Variants in UGGT2 observed in about 807,000 individuals in gnomAD.
UGGT2 encodes the protein UDP-glucose glycoprotein glucosyltransferase 2, also known as UDP-glucose:glycoprotein glucosyltransferase 2.
In UGGT2, 180 loss-of-function variants were observed where a neutral mutation model predicts 192.1. That is an observed-to-expected ratio of 0.94 (90% CI 0.83 to 1.06). The LOEUF (loss-of-function observed/expected upper bound fraction) is 1.06. Among genes scored for constraint, UGGT2 ranks in the 50% least tolerant of loss-of-function variants. UGGT2 has a pLI of 0.00. For missense variants in UGGT2, 1,849 were observed against 1,795.7 expected, an observed-to-expected ratio of 1.03 and a Z score of -0.54; for synonymous variants, 580 against 591.0, an observed-to-expected ratio of 0.98 and a Z score of 0.27.
rs1244648955 is a variant in UGGT2, at chr13:95,974,471, C to T, written c.1093-1800G>A. Among the ~76,000 whole-genome samples, 5 of 152,168 alleles carry T rather than the reference C, an allele frequency of 3.3e-5. No homozygotes were observed. In the East Asian group the frequency reaches 7.7e-4, roughly 23 times the overall value. On this transcript the variant is annotated intron_variant, in intron 10 of 38. Coordinates refer to ENST00000376747, the MANE Select transcript of UGGT2 (RefSeq NM_020121.4). ...ATCCATATTAAATTGCTAAATCCCT[C>T]AAGACTGTTTATGTCAGGCCCAGGG...
intron 38 of UGGT2, among the ~76,000 whole-genome samples, chr13:95,812,104 G>A (rs183327086): frequency 1.3e-5 from 2 of 152,256 alleles, no homozygotes; most frequent in East Asian, 3.9e-4. Context: ...TGTGGACTGT[G>A]TAATCTCCAC....
intron 1 of UGGT2, among the ~76,000 whole-genome samples, chr13:96,042,953 G>T (rs999047360): frequency 6.6e-6 from 1 of 152,154 alleles, no homozygotes; most frequent in Non-Finnish European, 1.5e-5. Context: ...GGGAATAATT[G>T]AGGAAAACTT....
intron 26 of UGGT2, among the ~76,000 whole-genome samples, chr13:95,887,646 C>T (rs991807612): frequency 6.6e-6 from 1 of 152,068 alleles, no homozygotes; most frequent in Non-Finnish European, 1.5e-5. Context: ...TCCAAAAATA[C>T]CTATGAATAA....
rs774913767 is a variant in UGGT2, at chr13:95,999,285, T to C, written c.683A>G (p.Tyr228Cys). 1.2e-6 allele frequency: 2 copies of C among 1,613,478 alleles called. No individual in the cohort carries two copies. The highest frequency in any genetic ancestry group is 2.2e-5 in the East Asian group (1 of 44,798). Residue 228 changes from tyrosine (Y) to cysteine (C), a missense_variant, in exon 6 of 39, where the codon TAC becomes TGC. Coordinates refer to ENST00000376747, the MANE Select transcript of UGGT2 (RefSeq NM_020121.4). Reference protein sequence around the residue: ...YIQKPSSRKMYLSGYGVELAI... With the variant: ...YIQKPSSRKMCLSGYGVELAI... Reference sequence around the variant, plus strand: ...TAGCTCCACACCATACCCAGATAAGTACATTTTCCGTGAGCTTGGTTTCTG... The same window carrying C: ...TAGCTCCACACCATACCCAGATAAGCACATTTTCCGTGAGCTTGGTTTCTG...
chr13:95,957,355 C>CT (rs1299063001), intron 12 of UGGT2, among the ~76,000 whole-genome samples: 1 of 152,182 alleles, frequency 6.6e-6, no homozygotes, highest in Non-Finnish European at 1.5e-5. Context: ...TTGTGACAAT[C>CT]TCGTGGGAAC....
chr13:96,046,897 G>A (rs530004173), intron 1 of UGGT2, among the ~76,000 whole-genome samples: 9 of 152,258 alleles, frequency 5.9e-5, no homozygotes, highest in Admixed American at 2.6e-4. Context: ...AGATCCAACC[G>A]CAAGGCAGCA....
At chr13:95,840,249 T>C (rs1024416672) in intron 36 of UGGT2, among the ~76,000 whole-genome samples, 2 of 151,874 alleles carry the variant, frequency 1.3e-5, no homozygotes, top group African/African-American at 4.8e-5. Context: ...ATCATCAGAG[T>C]GAACAGGCAA....
chr13:95,976,641 T>C (rs2140825815), intron 10 of UGGT2, among the ~76,000 whole-genome samples: 1 of 152,320 alleles, frequency 6.6e-6, no homozygotes, highest in Non-Finnish European at 1.5e-5. Flanking sequence ...AAGTAATTTA[T>C]GGATTCAATG....
At chr13:95,913,780 T>C (rs1173773639) in intron 20 of UGGT2, among the ~76,000 whole-genome samples, 7 of 152,172 alleles carry the variant, frequency 4.6e-5, no homozygotes, top group African/African-American at 1.7e-4. Flanking sequence ...TAAAGACACA[T>C]GCACATGTAT....
At position 95,972,909 on chromosome 13, in the gene UGGT2, G is replaced by A. The variant is rs145042377; in HGVS notation, c.1093-238C>T. ...TTTTAGGCCAGGCGTGGCGGCTTAC[G>A]CCTGTAATGCCAGAACTTTGGGAGG... On this transcript the variant is annotated intron_variant, in intron 10 of 38. Transcript: ENST00000376747. 9.3e-3 allele frequency among the ~76,000 whole-genome samples: 1,413 copies of A among 152,316 alleles called. 23 individuals are homozygous for A. The highest frequency in any genetic ancestry group is 0.032 in the African/African-American group (1,326 of 41,556).
At chr13:95,877,156 A>C (rs1891772256) in intron 29 of UGGT2, 123 bp downstream of exon 29, 1 of 772,312 alleles carries the variant, frequency 1.3e-6, no homozygotes, top group Non-Finnish European at 2.0e-6. Flanking sequence ...TGTTGGGATT[A>C]CAGGCTTGAG....
At chr13:95,906,794 G>T (rs994446048) in intron 20 of UGGT2, among the ~76,000 whole-genome samples, 1 of 152,160 alleles carries the variant, frequency 6.6e-6, no homozygotes, top group Non-Finnish European at 1.5e-5. Context: ...AAGCCAGAAG[G>T]CAATCAGATG....
rs771020188 is a variant in UGGT2, at chr13:96,053,336, C to T, written c.-24G>A. On this transcript the variant is annotated 5_prime_UTR_variant, in exon 1 of 39. Transcript: ENST00000376747. ...ATGGCACGGAGAGAAAAGCGCGAGTCCCTCGGACCCGGTACCCACAGTCTG... is the reference window on the plus strand; with the variant it reads ...ATGGCACGGAGAGAAAAGCGCGAGTTCCTCGGACCCGGTACCCACAGTCTG... 6.3e-7 allele frequency: 1 copy of T among 1,576,178 alleles called. No homozygotes were observed. Among genetic ancestry groups the T allele is most frequent in the Non-Finnish European group, 8.5e-7 (1 of 1,170,902 alleles).
chr13:95,853,664 A>G lies in UGGT2; in HGVS notation c.4170-7T>C. The G allele has an allele frequency of 3.3e-6, 5 of 1,534,964 alleles. No individual in the cohort carries two copies. The highest frequency in any genetic ancestry group is 4.4e-6 in the Non-Finnish European group (5 of 1,147,718). On this transcript the variant is annotated splice_polypyrimidine_tract_variant and splice_region_variant and intron_variant, in intron 35 of 38. Coordinates refer to ENST00000376747, the MANE Select transcript of UGGT2 (RefSeq NM_020121.4). ...ATCCACTACATATAAAGCACTGCAA[A>G]AATGAATTACTTCTTGATAGCCTAT...
intron 24 of UGGT2, among the ~76,000 whole-genome samples, chr13:95,892,550 A>T (rs1011192484): frequency 2.6e-5 from 4 of 152,198 alleles, no homozygotes; most frequent in Non-Finnish European, 5.9e-5. Context: ...ACAGTTAATC[A>T]ACTCTTACAG....
chr13:96,049,261 G>A (rs1190354434), intron 1 of UGGT2, among the ~76,000 whole-genome samples: 1 of 152,106 alleles, frequency 6.6e-6, no homozygotes, highest in Non-Finnish European at 1.5e-5. Context: ...TGCAGAAAAG[G>A]CCTTTGACAA....
chr13:95,931,791 G>A (rs745494848), intron 17 of UGGT2, among the ~76,000 whole-genome samples: 2 of 152,080 alleles, frequency 1.3e-5, no homozygotes, highest in Non-Finnish European at 2.9e-5. Flanking sequence ...AACGTGGCGC[G>A]GAGCCCTGGT....
chr13:95,968,467 T>C (rs1185640293), intron 12 of UGGT2, among the ~76,000 whole-genome samples: 1 of 152,118 alleles, frequency 6.6e-6, no homozygotes, highest in Non-Finnish European at 1.5e-5. Flanking sequence ...ATGCCGGAGG[T>C]AGGGCCTGAT....
chr13:95,849,839 T>TTTTTATATATTAATTTATAC (rs1285441714), intron 36 of UGGT2, among the ~76,000 whole-genome samples: 2 of 148,624 alleles, frequency 1.3e-5, no homozygotes, highest in African/African-American at 4.9e-5. Flanking sequence ...ATATATTAAT[T>TTTTTATATATTAATTTATAC]TTTTATATAT....
Sources: allele counts gnomAD v4.1 joint callset (sites outside exome capture counted in the v4.1 genomes callset), GRCh38; gene constraint gnomAD v4.1.1; transcripts MANE v1.5; gene names NCBI Gene and HGNC (gene_info 2026-07-23, HGNC 2026-07-21).